SLC24A3: variants seen among roughly 807,000 people sequenced by gnomAD.
SLC24A3 encodes the protein sodium/potassium/calcium exchanger 3.
A neutral mutation model predicts 75.8 loss-of-function variants in SLC24A3; 28 were observed. The observed-to-expected ratio is 0.37, with a 90% CI of 0.27 to 0.51. SLC24A3 has a LOEUF of 0.51. Among genes scored for constraint, SLC24A3 ranks in the 20% least tolerant of loss-of-function variants. The probability of loss-of-function intolerance (pLI) is 0.94; values close to 1 mark genes in which losing one functional copy is unlikely to be tolerated. For synonymous variants in SLC24A3, 372 were observed against 334.1 expected (o/e 1.11, Z -1.24); for missense variants, 663 against 847.8 (o/e 0.78, Z 2.71).
intron 2 of SLC24A3, among the ~76,000 whole-genome samples, chr20:19,394,860 C>G (rs1986426056): frequency 1.3e-5 from 2 of 152,180 alleles, no homozygotes; most frequent in Non-Finnish European, 2.9e-5. Flanking sequence ...AGCAATTCCA[C>G]TTCTAGGTAT....
chr20:19,657,826 T>C (rs1209621573), intron 7 of SLC24A3, among the ~76,000 whole-genome samples: 1 of 152,150 alleles, frequency 6.6e-6, no homozygotes, highest in Non-Finnish European at 1.5e-5. Flanking sequence ...TCCCCTAATA[T>C]CATGGTAACA....
At chr20:19,694,049 A>T (rs1568700770) in intron 13 of SLC24A3, 3 of 152,334 alleles carry the variant, frequency 2.0e-5, no homozygotes, top group African/African-American at 7.2e-5. Context: ...GAGGCATTGT[A>T]TGAGGTGATC....
At chr20:19,695,657 C>A (rs7272480) in intron 13 of SLC24A3, 19,367 of 152,160 alleles carry the variant, frequency 0.13, 1,512 homozygotes, top group Non-Finnish European at 0.18. Context: ...TCTCGTCACC[C>A]ACCCCACTTC....
chr20:19,340,162 G>A (rs1220155136), intron 2 of SLC24A3, among the ~76,000 whole-genome samples: 1 of 152,126 alleles, frequency 6.6e-6, no homozygotes, highest in African/African-American at 2.4e-5. Flanking sequence ...TTTTTACAGA[G>A]GTAATTAAGT....
At chr20:19,477,843 C>T (rs1206640400) in intron 2 of SLC24A3, among the ~76,000 whole-genome samples, 2 of 152,196 alleles carry the variant, frequency 1.3e-5, no homozygotes, top group African/African-American at 4.8e-5. Context: ...ACCATTAAGA[C>T]TTGATCCAAA....
At chr20:19,358,032 A>G (rs1985721105) in intron 2 of SLC24A3, among the ~76,000 whole-genome samples, 1 of 152,216 alleles carries the variant, frequency 6.6e-6, no homozygotes, top group South Asian at 2.1e-4. Context: ...GGTCCAATGA[A>G]GGCAGATGTG....
At chr20:19,449,786 CT>C (rs967201388) in intron 2 of SLC24A3, among the ~76,000 whole-genome samples, 7 of 152,358 alleles carry the variant, frequency 4.6e-5, no homozygotes, top group East Asian at 3.9e-4. Flanking sequence ...ATCTTCCCCC[CT>C]GTTCTGTATC....
chr20:19,654,353 A>T (rs998028698), intron 7 of SLC24A3, among the ~76,000 whole-genome samples: 4 of 152,056 alleles, frequency 2.6e-5, no homozygotes, highest in South Asian at 2.1e-4. Flanking sequence ...GACTTGGGTT[A>T]TCTGGGTCTA....
intron 2 of SLC24A3, among the ~76,000 whole-genome samples, chr20:19,407,823 G>A (rs971805528): frequency 4.6e-5 from 7 of 152,174 alleles, no homozygotes; most frequent in African/African-American, 9.7e-5. Flanking sequence ...CCATGAAACC[G>A]CCACAGAAGA....
intron 2 of SLC24A3, among the ~76,000 whole-genome samples, chr20:19,385,553 G>A (rs1056097269): frequency 3.9e-5 from 6 of 151,980 alleles, no homozygotes; most frequent in African/African-American, 1.5e-4. Flanking sequence ...TTGAAGTCAG[G>A]TGGCGTGATG....
chr20:19,720,849 T>C (rs2033097536), intron 16 of SLC24A3, 142 bp from the exon 17 acceptor site: 2 of 758,488 alleles, frequency 2.6e-6, no homozygotes, highest in Admixed American at 6.4e-5. Flanking sequence ...AGAGGTGGAT[T>C]TTGCAGGCTC....
At chr20:19,547,899 C>G (rs999362330) in intron 3 of SLC24A3, among the ~76,000 whole-genome samples, 4 of 152,276 alleles carry the variant, frequency 2.6e-5, no homozygotes, top group African/African-American at 9.6e-5. Context: ...ATCTTTGCAG[C>G]TATCACTGCA....
At chr20:19,490,287 G>T (rs1011204027) in intron 2 of SLC24A3, among the ~76,000 whole-genome samples, 4 of 152,130 alleles carry the variant, frequency 2.6e-5, no homozygotes, top group Non-Finnish European at 5.9e-5. Flanking sequence ...ATGGCTCCTG[G>T]TTTATTTTCC....
intron 2 of SLC24A3, among the ~76,000 whole-genome samples, chr20:19,290,956 G>A (rs1018283459): frequency 6.6e-6 from 1 of 152,122 alleles, no homozygotes; most frequent in Non-Finnish European, 1.5e-5. Flanking sequence ...TTCTTGCCCT[G>A]GGAAACACCA....
chr20:19,650,578 G>A (rs1045940096), intron 6 of SLC24A3, among the ~76,000 whole-genome samples: 2 of 152,064 alleles, frequency 1.3e-5, no homozygotes, highest in South Asian at 4.2e-4. Flanking sequence ...GATTTTTTCA[G>A]TTACCGGCAT....
intron 6 of SLC24A3, among the ~76,000 whole-genome samples, chr20:19,586,683 G>A (rs2031301520): frequency 6.6e-6 from 1 of 152,162 alleles, no homozygotes; most frequent in African/African-American, 2.4e-5. Flanking sequence ...TCATCTTCGT[G>A]CCTATTGATT....
chr20:19,508,683 C>A lies in SLC24A3; in HGVS notation c.272-6805C>A, dbSNP rs186259866. On this transcript the variant is annotated intron_variant, in intron 2 of 16. Coordinates refer to ENST00000328041, the MANE Select transcript of SLC24A3 (RefSeq NM_020689.4). Reference sequence around the variant, plus strand: ...GTTTCCATGGGAACAGCACCGCTTGCTTCTGCAGGCCCCCAGGGCTGGCGG... The same window carrying A: ...GTTTCCATGGGAACAGCACCGCTTGATTCTGCAGGCCCCCAGGGCTGGCGG... Among the ~76,000 whole-genome samples the A allele has an allele frequency of 3.9e-3, 589 of 152,322 alleles. 8 individuals are homozygous for A. The highest frequency in any genetic ancestry group is 0.018 in the South Asian group (89 of 4,832).
intron 3 of SLC24A3, among the ~76,000 whole-genome samples, chr20:19,534,760 T>C (rs1433613124): frequency 6.6e-6 from 1 of 152,214 alleles, no homozygotes; most frequent in Non-Finnish European, 1.5e-5. Flanking sequence ...CTGACTGCTT[T>C]AGTAAGTTGA....
chr20:19,540,590 C>T (rs1040494920), intron 3 of SLC24A3, among the ~76,000 whole-genome samples: 3 of 152,220 alleles, frequency 2.0e-5, no homozygotes, highest in Non-Finnish European at 2.9e-5. Flanking sequence ...GGGACAGAGC[C>T]AGCGCCACGG....
Sources: gnomAD v4.1 joint callset for allele counts (sites outside exome capture counted in the v4.1 genomes callset) on GRCh38, gnomAD v4.1.1 for gene constraint, MANE v1.5 for transcripts, NCBI Gene and HGNC (gene_info 2026-07-23, HGNC 2026-07-21) for gene names.